Variants in NELL1 observed in about 807,000 individuals in gnomAD.
NELL1 encodes the protein protein kinase C-binding protein NELL1.
In NELL1, 76 loss-of-function variants were observed where a neutral mutation model predicts 107.4. The observed-to-expected ratio is 0.71, with a 90% CI of 0.59 to 0.86. The LOEUF is 0.86. Among genes scored for constraint, NELL1 ranks in the 40% least tolerant of loss-of-function variants. The pLI is 0.00. For synonymous variants in NELL1, 353 were observed against 341.2 expected (o/e 1.03, Z -0.38); for missense variants, 1,024 against 1,005.5 (o/e 1.02, Z -0.25).
At position 20,960,548 on chromosome 11, in the gene NELL1, G is replaced by GC; in HGVS notation, c.1290dup (p.Tyr431LeufsTer3). 1 of 1,613,888 alleles carries GC rather than the reference G, an allele frequency of 6.2e-7. No homozygotes were observed. Among genetic ancestry groups the GC allele is most frequent in the Non-Finnish European group, 8.5e-7 (1 of 1,179,812 alleles). ...TTACATCTCTGTCCAGGGAGACTCT[G>GC]CCTACTGTGAAGGTAAGTAAGCTAT... On this transcript the variant is annotated frameshift_variant, in exon 12 of 20. Transcript: ENST00000357134. LOFTEE classifies it high-confidence loss of function.
intron 4 of NELL1, among the ~76,000 whole-genome samples, chr11:20,880,546 A>T (rs1849388291): frequency 6.6e-6 from 1 of 152,232 alleles, no homozygotes; most frequent in Non-Finnish European, 1.5e-5. Context: ...GTTTAATCCC[A>T]AATTTATGTT....
intron 14 of NELL1, among the ~76,000 whole-genome samples, chr11:21,268,941 G>C (rs1053394534): frequency 2.0e-5 from 3 of 152,080 alleles, no homozygotes; most frequent in Admixed American, 2.0e-4. Flanking sequence ...AATGTAATCA[G>C]AGAGATGGAA....
intron 9 of NELL1, among the ~76,000 whole-genome samples, chr11:20,932,353 G>A (rs1850635840): frequency 6.6e-6 from 1 of 152,170 alleles, no homozygotes; most frequent in Non-Finnish European, 1.5e-5. Flanking sequence ...AAAACAGTAT[G>A]TGTGAAGGAA....
At chr11:21,255,666 A>G (rs1157090126) in intron 14 of NELL1, among the ~76,000 whole-genome samples, 1 of 152,054 alleles carries the variant, frequency 6.6e-6, no homozygotes, top group Non-Finnish European at 1.5e-5. Context: ...TAATTATTGC[A>G]TTTCCTGATT....
chr11:21,415,954 AG>A (rs147500017), intron 15 of NELL1, among the ~76,000 whole-genome samples: 8,604 of 152,118 alleles, frequency 0.057, 351 homozygotes, highest in Non-Finnish European at 0.078. Flanking sequence ...GAGAGGACGG[AG>A]GGAAGCTTCT....
At chr11:21,545,678 C>G (rs1163878883) in intron 16 of NELL1, among the ~76,000 whole-genome samples, 2 of 151,788 alleles carry the variant, frequency 1.3e-5, no homozygotes, top group Admixed American at 6.6e-5. Context: ...TTCTTTCTTC[C>G]TGAATAGCTG....
intron 3 of NELL1, among the ~76,000 whole-genome samples, chr11:20,803,880 G>A (rs1052820514): frequency 6.6e-6 from 1 of 152,102 alleles, no homozygotes; most frequent in African/African-American, 2.4e-5. Flanking sequence ...GCAGAAAAAT[G>A]TGAAAAGAGA....
intron 3 of NELL1, among the ~76,000 whole-genome samples, chr11:20,804,913 T>G (rs1264525720): frequency 2.0e-5 from 3 of 152,222 alleles, no homozygotes; most frequent in Non-Finnish European, 2.9e-5. Flanking sequence ...AGATCTCTCT[T>G]TGTTTTTAGG....
chr11:21,544,721 G>GTTTT (rs1856389740), intron 16 of NELL1, among the ~76,000 whole-genome samples: 1 of 151,656 alleles, frequency 6.6e-6, no homozygotes, highest in Non-Finnish European at 1.5e-5. Flanking sequence ...AAATGTATTT[G>GTTTT]GTCATATAAC....
At chr11:21,315,890 A>AGAGT (rs1177166561) in intron 14 of NELL1, among the ~76,000 whole-genome samples, 13 of 149,678 alleles carry the variant, frequency 8.7e-5, no homozygotes, top group South Asian at 2.1e-4. Flanking sequence ...TGGTGGTGTG[A>AGAGT]GTGTGTGTGT....
At chr11:20,774,891 A>G (rs1313341408) in intron 2 of NELL1, among the ~76,000 whole-genome samples, 1 of 152,046 alleles carries the variant, frequency 6.6e-6, no homozygotes, top group Non-Finnish European at 1.5e-5. Flanking sequence ...CAGATTCTTG[A>G]CAATCAGTGT....
chr11:20,858,984 A>T (rs1257054125), intron 4 of NELL1, among the ~76,000 whole-genome samples: 3 of 152,166 alleles, frequency 2.0e-5, no homozygotes, highest in Non-Finnish European at 4.4e-5. Flanking sequence ...TTACCCAGAG[A>T]TGAAAAATTA....
chr11:20,761,792 A>G (rs534360759), intron 2 of NELL1, among the ~76,000 whole-genome samples: 1 of 152,324 alleles, frequency 6.6e-6, no homozygotes, highest in Non-Finnish European at 1.5e-5. Flanking sequence ...GGTTTGCTTT[A>G]AAAAAATAAA....
intron 19 of NELL1, among the ~76,000 whole-genome samples, 185 bp downstream of exon 19, chr11:21,573,594 C>A (rs939408619): frequency 6.6e-6 from 1 of 151,766 alleles, no homozygotes; most frequent in African/African-American, 2.4e-5. Flanking sequence ...TGTAAAAAGG[C>A]AAATTCCAAA....
intron 14 of NELL1, among the ~76,000 whole-genome samples, chr11:21,276,794 G>C (rs543374508): frequency 6.6e-6 from 1 of 152,274 alleles, no homozygotes; most frequent in African/African-American, 2.4e-5. Flanking sequence ...ACAAGCAATG[G>C]GGAAAGGATT....
intron 15 of NELL1, among the ~76,000 whole-genome samples, chr11:21,409,737 C>T (rs1204497345): frequency 6.6e-6 from 1 of 151,648 alleles, no homozygotes; most frequent in Admixed American, 6.6e-5. Flanking sequence ...ACATTTATTC[C>T]CCATATAAAC....
At chr11:20,760,928 C>CATCT (rs1363423995) in intron 2 of NELL1, among the ~76,000 whole-genome samples, 1 of 152,188 alleles carries the variant, frequency 6.6e-6, no homozygotes, top group African/African-American at 2.4e-5. Flanking sequence ...CTCGGCCCAA[C>CATCT]ATCTCTAAAT....
intron 11 of NELL1, among the ~76,000 whole-genome samples, chr11:20,952,532 G>A (rs1476702801): frequency 1.3e-5 from 2 of 152,146 alleles, no homozygotes; most frequent in Non-Finnish European, 2.9e-5. Context: ...TGAGAAAAAG[G>A]CACTTAATGA....
At chr11:21,214,817 G>A (rs1857579295) in intron 13 of NELL1, among the ~76,000 whole-genome samples, 1 of 152,042 alleles carries the variant, frequency 6.6e-6, no homozygotes, top group African/African-American at 2.4e-5. Context: ...AAGGTTGAGT[G>A]GGTGCAAATA....
Sources: gnomAD v4.1 joint callset for allele counts (sites outside exome capture counted in the v4.1 genomes callset) on GRCh38, gnomAD v4.1.1 for gene constraint, MANE v1.5 for transcripts, NCBI Gene and HGNC (gene_info 2026-07-23, HGNC 2026-07-21) for gene names.